Variants in CDH20 observed in about 807,000 individuals in gnomAD.
CDH20 encodes cadherin 20, also known as cadherin-20.
A neutral mutation model predicts 74.2 loss-of-function variants in CDH20; 29 were observed. The ratio of observed to expected loss-of-function variants is 0.39; its 90% CI spans 0.29 to 0.53. The LOEUF (loss-of-function observed/expected upper bound fraction) is 0.53. Ranked by LOEUF, CDH20 falls within the 20% of genes least tolerant of loss-of-function variation. The pLI, the probability that CDH20 is intolerant of heterozygous loss-of-function variation, is 0.69. For missense variants in CDH20, 988 were observed against 1,048.3 expected, an observed-to-expected ratio of 0.94 and a Z score of 0.79; for synonymous variants, 469 against 405.4, an observed-to-expected ratio of 1.16 and a Z score of -1.88.
chr18:61,355,323 A>G (rs1231521262), intron 1 of CDH20, among the ~76,000 whole-genome samples: 1 of 152,240 alleles, frequency 6.6e-6, no homozygotes, highest in African/African-American at 2.4e-5. Flanking sequence ...CATTAGGACA[A>G]TTTGAGCAGA....
At chr18:61,538,959 T>A (rs1342174677) in intron 8 of CDH20, 65 bp from the exon 9 acceptor site, 1 of 1,471,748 alleles carries the variant, frequency 6.8e-7, no homozygotes, top group East Asian at 2.5e-5. Context: ...GCAAAAACCA[T>A]TACTCTTTTT....
In CDH20 at chr18:61,549,788, A is replaced by T. The variant is rs1913369207; in HGVS notation, c.1649-190A>T. On this transcript the variant is annotated intron_variant, in intron 10 of 11. Coordinates refer to ENST00000262717, the MANE Select transcript of CDH20 (RefSeq NM_031891.4). ...TCTTAGGCCTCAGGGTTTTGCCTAA[A>T]AGCAAGCAAAAAGCATGGTTTCTGA... 3 of 612,604 alleles carry T rather than the reference A, an allele frequency of 4.9e-6. No individual in the cohort carries two copies. In the Admixed American group the frequency reaches 9.0e-5, roughly 18 times the overall value. The allele number at this position is 612,604 out of a possible 1,614,324, so 37.9% of individuals were successfully genotyped here.
intron 1 of CDH20, among the ~76,000 whole-genome samples, chr18:61,440,525 C>A (rs1908993344): frequency 6.6e-6 from 1 of 152,170 alleles, no homozygotes; most frequent in Non-Finnish European, 1.5e-5. Context: ...AAGCAACAGA[C>A]TTATGGCTTA....
chr18:61,403,794 A>G lies in CDH20; in HGVS notation c.-153+69967A>G, dbSNP rs76808284. Among the ~76,000 whole-genome samples the G allele has an allele frequency of 8.9e-3, 1,361 of 152,352 alleles. 11 individuals are homozygous for G. The highest frequency in any genetic ancestry group is 0.017 in the South Asian group (84 of 4,832). On this transcript the variant is annotated intron_variant, in intron 1 of 11. Coordinates refer to ENST00000262717, the MANE Select transcript of CDH20 (RefSeq NM_031891.4). ...AAAGGAATATAAATCATTCTATTAC[A>G]AAGATACAAGCGCACGTATATTCAC...
intron 1 of CDH20, among the ~76,000 whole-genome samples, chr18:61,421,714 T>A (rs1448204111): frequency 2.0e-5 from 3 of 152,200 alleles, no homozygotes; most frequent in Non-Finnish European, 2.9e-5. Context: ...GACCTGATTA[T>A]ATGAATGTAT....
intron 8 of CDH20, among the ~76,000 whole-genome samples, chr18:61,537,474 T>C (rs1359194390): frequency 1.3e-5 from 2 of 152,344 alleles, no homozygotes; most frequent in South Asian, 2.1e-4. Flanking sequence ...GTACAACCTA[T>C]AGTAAAATGA....
Position 61,554,968 on chromosome 18 carries a change from A to G in CDH20, c.*273A>G, listed in dbSNP as rs17692578. 54,025 of 1,289,636 alleles carry G rather than the reference A, an allele frequency of 0.042. 1,688 individuals are homozygous for G. Among genetic ancestry groups the G allele is most frequent in the South Asian group, 0.15 (5,626 of 37,766 alleles). The allele number at this position is 1,289,636 out of a possible 1,614,324, so 79.9% of individuals were successfully genotyped here. A position where few individuals can be genotyped will look rare whatever the true frequency, so the allele number is the denominator to read the frequency against. ...ACTGTGTGCGAAGGCTTGGAGTCCA[A>G]GGTGTTCTGACAAGGGTGGCTTTTC... is the stretch of plus-strand genomic sequence containing the variant. On this transcript the variant is annotated 3_prime_UTR_variant, in exon 12 of 12. Coordinates refer to ENST00000262717, the MANE Select transcript of CDH20 (RefSeq NM_031891.4).
At chr18:61,343,428 A>G (rs1910016920) in intron 1 of CDH20, among the ~76,000 whole-genome samples, 1 of 152,350 alleles carries the variant, frequency 6.6e-6, no homozygotes, top group Middle Eastern at 3.4e-3. Context: ...CAGTGAGAAA[A>G]GCAAACAATG....
chr18:61,369,108 C>T (rs1910949704), intron 1 of CDH20, among the ~76,000 whole-genome samples: 1 of 152,092 alleles, frequency 6.6e-6, no homozygotes, highest in African/African-American at 2.4e-5. Flanking sequence ...AGAGAAGCAG[C>T]ACCACTTATT....
At chr18:61,539,694 A>C (rs1312340153) in intron 9 of CDH20, among the ~76,000 whole-genome samples, 1 of 152,176 alleles carries the variant, frequency 6.6e-6, no homozygotes, top group Non-Finnish European at 1.5e-5. Flanking sequence ...ATCTTGCAGT[A>C]GGACAAGTTT....
intron 1 of CDH20, among the ~76,000 whole-genome samples, chr18:61,361,857 C>T (rs1026674144): frequency 2.0e-5 from 3 of 152,114 alleles, no homozygotes; most frequent in Non-Finnish European, 2.9e-5. Context: ...ACCAATGATA[C>T]AAGATGCCCT....
At chr18:61,473,302 C>T (rs1910252531) in intron 1 of CDH20, among the ~76,000 whole-genome samples, 1 of 152,190 alleles carries the variant, frequency 6.6e-6, no homozygotes, top group Non-Finnish European at 1.5e-5. Flanking sequence ...ATGTATTTCC[C>T]ATTAATAAGG....
At chr18:61,542,537 G>C (rs1174282298) in intron 9 of CDH20, among the ~76,000 whole-genome samples, 1 of 152,198 alleles carries the variant, frequency 6.6e-6, no homozygotes, top group African/African-American at 2.4e-5. Flanking sequence ...GTTTCCCCAA[G>C]TTGAGATGGG....
chr18:61,503,259 A>G (rs1911449251), intron 5 of CDH20, 139 bp downstream of exon 5: 4 of 580,474 alleles, frequency 6.9e-6, no homozygotes, highest in East Asian at 3.0e-5. Context: ...TCATCATGCA[A>G]TTCTCGCATA....
intron 1 of CDH20, among the ~76,000 whole-genome samples, chr18:61,428,149 G>A (rs1913135108): frequency 6.6e-6 from 1 of 152,152 alleles, no homozygotes; most frequent in Non-Finnish European, 1.5e-5. Context: ...TCCCTTTCAA[G>A]GAATAAAAGG....
chr18:61,385,458 T>C (rs536978127), intron 1 of CDH20, among the ~76,000 whole-genome samples: 1 of 152,178 alleles, frequency 6.6e-6, no homozygotes, highest in African/African-American at 2.4e-5. Context: ...AGTGATATAT[T>C]TCACTACACT....
intron 1 of CDH20, among the ~76,000 whole-genome samples, chr18:61,448,836 T>A (rs991868662): frequency 2.6e-5 from 4 of 152,224 alleles, no homozygotes; most frequent in Non-Finnish European, 5.9e-5. Flanking sequence ...TTAAACAAGA[T>A]GACCTCTGAA....
At chr18:61,516,227 T>C (rs1911998152) in intron 6 of CDH20, among the ~76,000 whole-genome samples, 1 of 152,252 alleles carries the variant, frequency 6.6e-6, no homozygotes, top group Non-Finnish European at 1.5e-5. Context: ...ACTCAACCAG[T>C]AAATGTTAAT....
chr18:61,473,056 G>A (rs993252095), intron 1 of CDH20, among the ~76,000 whole-genome samples: 8 of 152,154 alleles, frequency 5.3e-5, no homozygotes, highest in African/African-American at 1.7e-4. Flanking sequence ...AATATCAAAG[G>A]CATCTGATTA....
Sources: gnomAD v4.1 joint callset for allele counts (sites outside exome capture counted in the v4.1 genomes callset) on GRCh38, gnomAD v4.1.1 for gene constraint, MANE v1.5 for transcripts, NCBI Gene and HGNC (gene_info 2026-07-23, HGNC 2026-07-21) for gene names.